LGR5: variants seen among roughly 807,000 people sequenced by gnomAD.
LGR5 encodes the protein leucine rich repeat containing G protein-coupled receptor 5.
LGR5 carries 54 observed loss-of-function variants against 76.7 expected under a neutral mutation model. The ratio of observed to expected loss-of-function variants is 0.70; its 90% CI spans 0.57 to 0.88. The LOEUF (loss-of-function observed/expected upper bound fraction) is 0.88, where lower values mean the gene tolerates loss of function less well. Among genes scored for constraint, LGR5 ranks in the 40% least tolerant of loss-of-function variants. LGR5 has a pLI of 0.00. For missense variants in LGR5, 1,078 were observed against 1,073.3 expected (o/e 1.00, Z -0.06); for synonymous variants, 406 against 421.9 (o/e 0.96, Z 0.46).
At chr12:71,442,514 C>T (rs974109329) in intron 1 of LGR5, among the ~76,000 whole-genome samples, 6 of 152,188 alleles carry the variant, frequency 3.9e-5, no homozygotes, top group African/African-American at 1.4e-4. Flanking sequence ...AAAAGTGATA[C>T]AGTAAATGTT....
intron 4 of LGR5, among the ~76,000 whole-genome samples, chr12:71,536,010 A>T (rs1357109624): frequency 6.6e-6 from 1 of 152,246 alleles, no homozygotes; most frequent in Non-Finnish European, 1.5e-5. Context: ...TTTAGTCAGT[A>T]AATCTTCCTC....
intron 2 of LGR5, among the ~76,000 whole-genome samples, chr12:71,519,552 C>T (rs1163108806): frequency 6.6e-6 from 1 of 152,012 alleles, no homozygotes; most frequent in Non-Finnish European, 1.5e-5. Context: ...GTAATCCTAA[C>T]ACTTTGGGAG....
intron 4 of LGR5, among the ~76,000 whole-genome samples, chr12:71,548,940 G>A (rs1877336919): frequency 6.6e-6 from 1 of 152,112 alleles, no homozygotes; most frequent in Admixed American, 6.6e-5. Flanking sequence ...CTGATAATAA[G>A]TCTATTATGG....
chr12:71,446,151 G>A (rs550290666), intron 1 of LGR5, among the ~76,000 whole-genome samples: 29 of 152,306 alleles, frequency 1.9e-4, no homozygotes, highest in Middle Eastern at 3.4e-3. Flanking sequence ...GGCTGAACCA[G>A]CTGCTGAAAT....
intron 1 of LGR5, among the ~76,000 whole-genome samples, chr12:71,482,934 A>G (rs1397414112): frequency 6.6e-6 from 1 of 152,102 alleles, no homozygotes; most frequent in African/African-American, 2.4e-5. Context: ...CACAAACAAT[A>G]TTTCTTCTCC....
At chr12:71,536,815 G>A (rs927247586) in intron 4 of LGR5, among the ~76,000 whole-genome samples, 5 of 152,200 alleles carry the variant, frequency 3.3e-5, no homozygotes, top group Admixed American at 3.3e-4. Context: ...GCCTGATAAA[G>A]GTGTTCAGAT....
At chr12:71,494,609 C>T (rs35625026) in intron 1 of LGR5, among the ~76,000 whole-genome samples, 13,808 of 151,112 alleles carry the variant, frequency 0.091, 896 homozygotes, top group Non-Finnish European at 0.11. Flanking sequence ...TCTAGAATGG[C>T]ACAAGTTTGT....
rs752746094 is a variant in LGR5, at chr12:71,440,171, C to T, written c.91C>T (p.Leu31=). Residue 31 remains leucine, a synonymous_variant, in exon 1 of 18, where the codon CTG becomes TTG. Coordinates refer to ENST00000266674, the MANE Select transcript of LGR5 (RefSeq NM_003667.4). This position sits in a 1 kb window ranked among gnomAD's most constrained non-coding sequence, Gnocchi z 5.3. ...GGSSPRSGVL[L]RGCPTHCHCE... ...CAGCTCTCCCAGGTCTGGTGTGTTG[C>T]TGAGGGGCTGCCCCACACACTGTCA... 2 of 1,611,492 alleles carry T rather than the reference C, an allele frequency of 1.2e-6. No individual in the cohort carries two copies. Among genetic ancestry groups the T allele is most frequent in the African/African-American group, 1.3e-5 (1 of 74,882 alleles).
intron 16 of LGR5, among the ~76,000 whole-genome samples, chr12:71,581,997 T>C (rs1879112948): frequency 6.6e-6 from 1 of 152,230 alleles, no homozygotes; most frequent in Non-Finnish European, 1.5e-5. Flanking sequence ...TTGTCCTCTG[T>C]TACACAGAAT....
chr12:71,573,065 T>C, intron 13 of LGR5, 144 bp downstream of exon 13: 1 of 573,874 alleles, frequency 1.7e-6, no homozygotes, highest in Non-Finnish European at 3.0e-6. Flanking sequence ...AGTATTTTGC[T>C]TCTGGTAATT....
chr12:71,564,742 GTA>G lies in LGR5; in HGVS notation c.858-1653_858-1652del, dbSNP rs577526284. On this transcript the variant is annotated intron_variant, in intron 8 of 17. Transcript: ENST00000266674. ...ATATATACATATATGTACACACACT[GTA>G]TATATATACATATATACATATATGT... Among the ~76,000 whole-genome samples, 38 of 21,820 alleles carry G rather than the reference GTA, an allele frequency of 1.7e-3. 1 individual carries two copies. The highest frequency in any genetic ancestry group is 4.4e-3 in the South Asian group (2 of 450). 14.3% of individuals were successfully genotyped at this position (21,820 alleles called of 152,430 possible).
intron 1 of LGR5, among the ~76,000 whole-genome samples, chr12:71,458,969 G>A (rs1872590769): frequency 6.6e-6 from 1 of 151,978 alleles, no homozygotes; most frequent in Admixed American, 6.6e-5. Flanking sequence ...AAACTTGGAG[G>A]ATGAGTTAGA....
rs564025169 is a variant in LGR5, at chr12:71,455,810, C to T, written c.212+15518C>T. The stretch of plus-strand genomic sequence containing the variant: ...TACTCAATATACACAAAAAATTATA[C>T]AAAAATGACAAACTATTTGATAAAT... On this transcript the variant is annotated intron_variant, in intron 1 of 17. Coordinates refer to ENST00000266674, the MANE Select transcript of LGR5 (RefSeq NM_003667.4). 5.3e-5 allele frequency among the ~76,000 whole-genome samples: 8 copies of T among 152,108 alleles called. No individual in the cohort carries two copies. In the East Asian group the frequency reaches 1.2e-3, roughly 22 times the overall value.
chr12:71,470,282 C>T (rs762515670), intron 1 of LGR5, among the ~76,000 whole-genome samples: 1 of 152,188 alleles, frequency 6.6e-6, no homozygotes, highest in Non-Finnish European at 1.5e-5. Context: ...ACTAAACTCC[C>T]TTTTTATCAA....
intron 3 of LGR5, among the ~76,000 whole-genome samples, chr12:71,530,911 C>T (rs1198881818): frequency 1.3e-5 from 2 of 151,346 alleles, no homozygotes; most frequent in African/African-American, 2.4e-5. Flanking sequence ...AAGAATTGAG[C>T]CATCAGTTGT....
At chr12:71,487,573 C>A (rs930664936) in intron 1 of LGR5, among the ~76,000 whole-genome samples, 2 of 152,152 alleles carry the variant, frequency 1.3e-5, no homozygotes, top group Non-Finnish European at 2.9e-5. Flanking sequence ...TGCCACCACA[C>A]CCGGCTCATT....
In LGR5 at chr12:71,440,137, G is replaced by C. The variant is rs147257938; in HGVS notation, c.57G>C (p.Ala19=). ...CCTTGCCTGTGCTGCTGCAGCTGGC[G>C]ACCGGGGGCAGCTCTCCCAGGTCTG... ...LLSLPVLLQL[A]TGGSSPRSGV... Residue 19 remains alanine, a synonymous_variant, in exon 1 of 18, where the codon GCG becomes GCC. Transcript: ENST00000266674. This position sits in a 1 kb window ranked among gnomAD's most constrained non-coding sequence, Gnocchi z 5.3. The C allele has an allele frequency of 1.6e-5, 25 of 1,609,468 alleles. No homozygotes were observed. The highest frequency in any genetic ancestry group is 4.3e-4 in the Middle Eastern group (2 of 4,676).
At chr12:71,575,482 GC>G (rs1320637572) in intron 13 of LGR5, among the ~76,000 whole-genome samples, 1 of 152,086 alleles carries the variant, frequency 6.6e-6, no homozygotes, top group African/African-American at 2.4e-5. Context: ...GCTGAAGTGG[GC>G]AGAACACTTG....
intron 4 of LGR5, among the ~76,000 whole-genome samples, chr12:71,543,514 A>T (rs1876989977): frequency 6.6e-6 from 1 of 152,190 alleles, no homozygotes; most frequent in South Asian, 2.1e-4. Flanking sequence ...AAGAGACTTG[A>T]CTGGGACAGA....
Sources: allele counts gnomAD v4.1 joint callset (sites outside exome capture counted in the v4.1 genomes callset), GRCh38; gene constraint gnomAD v4.1.1; non-coding constraint Gnocchi (gnomAD v3.1); transcripts MANE v1.5; gene names NCBI Gene and HGNC (gene_info 2026-07-23, HGNC 2026-07-21).